TAMM41: variants seen among roughly 807,000 people sequenced by gnomAD.
The protein encoded by TAMM41 is phosphatidate cytidylyltransferase, mitochondrial.
A neutral mutation model predicts 44.1 loss-of-function variants in TAMM41; 36 were observed. That is an observed-to-expected ratio of 0.82 (90% CI 0.63 to 1.08). The LOEUF is 1.08. Ranked by LOEUF, TAMM41 falls within the 50% of genes least tolerant of loss-of-function variation. The pLI is 0.00. For synonymous variants in TAMM41, 164 were observed against 153.1 expected (o/e 1.07, Z -0.53); for missense variants, 417 against 404.3 (o/e 1.03, Z -0.27).
At chr3:11,754,537 A>T in the TAMM41 span, among the ~76,000 whole-genome samples, 4 of 44,446 alleles carry the variant, frequency 9.0e-5, 1 homozygote, top group Admixed American at 5.5e-4. Context: ...GCTGATTTTT[A>T]AAAAAATTTT....
chr3:11,832,173 T>C (rs547109878), intron 3 of TAMM41, among the ~76,000 whole-genome samples: 1 of 152,144 alleles, frequency 6.6e-6, no homozygotes, highest in Non-Finnish European at 1.5e-5. Flanking sequence ...AAAACACCTA[T>C]GCTTATTCCT....
At chr3:11,775,487 G>C in the TAMM41 span, among the ~76,000 whole-genome samples, 65 of 152,288 alleles carry the variant, frequency 4.3e-4, no homozygotes, top group African/African-American at 1.4e-3. Flanking sequence ...TCCAACACTT[G>C]TGTGCAAATG....
chr3:11,817,958 C>A (rs889802283), intron 4 of TAMM41, among the ~76,000 whole-genome samples: 2 of 152,150 alleles, frequency 1.3e-5, no homozygotes, highest in African/African-American at 4.8e-5. Flanking sequence ...CTGAAAAACA[C>A]CTAATTCTGA....
chr3:11,756,917 T>A, the TAMM41 span, among the ~76,000 whole-genome samples: 3 of 151,124 alleles, frequency 2.0e-5, no homozygotes, highest in African/African-American at 7.3e-5. Flanking sequence ...CCAAAGCCCA[T>A]GATCTTTCAA....
At chr3:11,806,005 T>C (rs2077897999) in intron 7 of TAMM41, among the ~76,000 whole-genome samples, 1 of 152,164 alleles carries the variant, frequency 6.6e-6, no homozygotes, top group African/African-American at 2.4e-5. Flanking sequence ...GATGGTTCTA[T>C]AAAAGGGAGC....
the TAMM41 span, among the ~76,000 whole-genome samples, chr3:11,760,592 G>A: frequency 3.4e-5 from 5 of 147,552 alleles, no homozygotes; most frequent in Non-Finnish European, 7.4e-5. Context: ...ATAGGGTCTT[G>A]CTCTGTTGCC....
downstream of TAMM41, among the ~76,000 whole-genome samples, chr3:11,787,051 C>T (rs2077421909): frequency 6.6e-6 from 1 of 152,216 alleles, no homozygotes; most frequent in East Asian, 1.9e-4. Flanking sequence ...ACTCACTTGT[C>T]TGGCAATTGA....
chr3:11,767,903 G>A, the TAMM41 span, among the ~76,000 whole-genome samples: 21,228 of 151,100 alleles, frequency 0.14, 1,655 homozygotes, highest in South Asian at 0.18. Flanking sequence ...GATTACAGAC[G>A]TGAGCCACCG....
the TAMM41 span, among the ~76,000 whole-genome samples, chr3:11,722,911 C>T: frequency 6.6e-6 from 1 of 151,740 alleles, no homozygotes; most frequent in African/African-American, 2.4e-5. Flanking sequence ...TGCAGTGAGC[C>T]GAGATCATGC....
At chr3:11,769,739 C>T in the TAMM41 span, among the ~76,000 whole-genome samples, 1 of 152,186 alleles carries the variant, frequency 6.6e-6, no homozygotes, top group Non-Finnish European at 1.5e-5. Context: ...TGGAGAAAAT[C>T]AGAATGGGGT....
chr3:11,822,453 A>C (rs1000177037), intron 4 of TAMM41, among the ~76,000 whole-genome samples: 1 of 152,084 alleles, frequency 6.6e-6, no homozygotes. Context: ...CTAAGTGATC[A>C]CTCCCCAACT....
intron 7 of TAMM41, among the ~76,000 whole-genome samples, chr3:11,793,949 T>C (rs931968869): frequency 6.6e-6 from 1 of 152,202 alleles, no homozygotes; most frequent in African/African-American, 2.4e-5. Context: ...TATATGGAGA[T>C]ATTTCCTACT....
the TAMM41 span, among the ~76,000 whole-genome samples, chr3:11,730,684 A>C: frequency 6.6e-6 from 1 of 152,162 alleles, no homozygotes; most frequent in African/African-American, 2.4e-5. Flanking sequence ...CAGTGAGCTG[A>C]GATCACGCCA....
intron 1 of TAMM41, 97 bp from the exon 2 acceptor site, chr3:11,844,308 A>G: frequency 1.7e-6 from 2 of 1,180,574 alleles, no homozygotes; most frequent in Non-Finnish European, 2.3e-6. Flanking sequence ...AATTATGATC[A>G]ATAGTCAGAA....
chr3:11,782,387 AAC>A, the TAMM41 span, among the ~76,000 whole-genome samples: 6 of 152,016 alleles, frequency 3.9e-5, no homozygotes, highest in South Asian at 8.3e-4. Flanking sequence ...CTCTACTAAA[AAC>A]ACAAAAAATT....
the TAMM41 span, among the ~76,000 whole-genome samples, chr3:11,770,039 C>T: frequency 2.9e-3 from 445 of 152,260 alleles, 1 homozygote; most frequent in African/African-American, 9.9e-3. Context: ...ATTTGGTCTG[C>T]GATGTAAGAA....
At chr3:11,744,597 A>G in the TAMM41 span, among the ~76,000 whole-genome samples, 4 of 151,888 alleles carry the variant, frequency 2.6e-5, no homozygotes, top group Non-Finnish European at 5.9e-5. Context: ...CAGGAGGTTA[A>G]GGTATGAGAT....
the TAMM41 span, among the ~76,000 whole-genome samples, chr3:11,784,533 G>C: frequency 1.3e-5 from 2 of 152,016 alleles, no homozygotes; most frequent in African/African-American, 4.8e-5. Flanking sequence ...AAAAAAGGTA[G>C]GCATATTTCC....
At chr3:11,746,245 A>G in the TAMM41 span, among the ~76,000 whole-genome samples, 1 of 149,918 alleles carries the variant, frequency 6.7e-6, no homozygotes, top group African/African-American at 2.5e-5. Context: ...CGGAGCTTGC[A>G]GTGAGCCGAG....
Sources: gnomAD v4.1 joint callset for allele counts (sites outside exome capture counted in the v4.1 genomes callset) on GRCh38, gnomAD v4.1.1 for gene constraint, MANE v1.5 for transcripts, NCBI Gene and HGNC (gene_info 2026-07-23, HGNC 2026-07-21) for gene names.